TECTB: variants seen among roughly 807,000 people sequenced by gnomAD.
TECTB encodes the protein tectorin beta, also known as beta-tectorin.
A neutral mutation model predicts 43.3 loss-of-function variants in TECTB; 45 were observed. The ratio of observed to expected loss-of-function variants is 1.04; its 90% confidence interval spans 0.82 to 1.33. The LOEUF (loss-of-function observed/expected upper bound fraction) is 1.33. Ranked by LOEUF, TECTB falls within the 40% of genes most tolerant of loss-of-function variation. The pLI, the probability that TECTB is intolerant of heterozygous loss-of-function variation, is 0.00. For synonymous variants in TECTB, 169 were observed against 156.7 expected, an observed-to-expected ratio of 1.08 and a Z score of -0.59; for missense variants, 399 against 404.7, an observed-to-expected ratio of 0.99 and a Z score of 0.12.
At position 112,298,193 on chromosome 10, in the gene TECTB, A is replaced by G; in HGVS notation, c.796A>G (p.Thr266Ala). Residue 266 changes from threonine to alanine, a missense_variant, in exon 8 of 11, where the codon ACG becomes GCG. Thr to Ala is a moderately conservative substitution (Grantham distance 58). Coordinates refer to ENST00000646139, the MANE Select transcript of TECTB (RefSeq NM_058222.3). ...KLSKVWLHCE[T>A]FICDSEKLSC... ...CTCCAAGGTGTGGTTACACTGTGAG[A>G]CGTTCATCTGCGACAGTGAGAAACT... The G allele has an allele frequency of 6.2e-7, 1 of 1,614,192 alleles. No individual in the cohort carries two copies. The highest frequency in any genetic ancestry group is 8.5e-7 in the Non-Finnish European group (1 of 1,180,024).
intron 7 of TECTB, among the ~76,000 whole-genome samples, chr10:112,294,829 T>C (rs1237154356): frequency 1.3e-5 from 2 of 152,010 alleles, no homozygotes; most frequent in African/African-American, 4.8e-5. Flanking sequence ...AATGAGAAAA[T>C]GTAGGAACTA....
At position 112,294,149 on chromosome 10, in the gene TECTB, AAGAGGTG is replaced by A. The variant is rs1168251692; in HGVS notation, c.671+90_671+96del. ...CTCTGGCTTGGGAAAGCTTGGGAGG[AAGAGGTG>A]AAGCCTGCTGGAGTTACAGCAGTGA... On this transcript the variant is annotated intron_variant, in intron 7 of 10. Coordinates refer to ENST00000646139, the MANE Select transcript of TECTB (RefSeq NM_058222.3). 5.0e-6 allele frequency: 6 copies of A among 1,199,874 alleles called. No individual in the cohort carries two copies. In the African/African-American group the frequency reaches 6.0e-5, roughly 12 times the overall value. The allele number at this position is 1,199,874 out of a possible 1,614,324, so 74.3% of individuals were successfully genotyped here. A position where few individuals can be genotyped will look rare whatever the true frequency, so the allele number is the denominator to read the frequency against.
chr10:112,283,537 C>A, intron 1 of TECTB, 41 bp downstream of exon 1: 1 of 580,088 alleles, frequency 1.7e-6, no homozygotes, highest in Non-Finnish European at 3.0e-6. Context: ...TAACAGGAAA[C>A]AATTAGAAAC....
intron 5 of TECTB, 35 bp downstream of exon 5, chr10:112,286,426 G>A (rs1848455333): frequency 6.5e-7 from 1 of 1,527,550 alleles, no homozygotes; most frequent in South Asian, 1.2e-5. Context: ...ACTTCCCTGT[G>A]GCCTTTCCTT....
At chr10:112,298,707 C>A (rs1245325426) in intron 8 of TECTB, among the ~76,000 whole-genome samples, 2 of 152,172 alleles carry the variant, frequency 1.3e-5, no homozygotes, top group Non-Finnish European at 2.9e-5. Flanking sequence ...AGAGATGCTG[C>A]AGAAATTCCC....
intron 3 of TECTB, among the ~76,000 whole-genome samples, chr10:112,285,605 A>AT (rs1848447557): frequency 6.6e-6 from 1 of 152,172 alleles, no homozygotes; most frequent in African/African-American, 2.4e-5. Flanking sequence ...ATATTCTGTG[A>AT]TTTTAGAGCC....
chr10:112,293,192 A>T (rs1848514524), intron 5 of TECTB, among the ~76,000 whole-genome samples: 1 of 152,252 alleles, frequency 6.6e-6, no homozygotes. Flanking sequence ...GTTCGCTAAC[A>T]AAATCCTGAC....
Position 112,284,650 on chromosome 10 carries a change from C to T in TECTB, c.192C>T (p.His64=), listed in dbSNP as rs146576556. ...GAGGGCTGTGTTACAATGGGGTCCA[C>T]GAAGGAGGTTACTACCAATTTGTGA... ...ALGGLCYNGV[H]EGGYYQFVIP... Residue 64 remains histidine (H), a synonymous_variant, in exon 3 of 11, where the codon CAC becomes CAT. Coordinates refer to ENST00000646139, the MANE Select transcript of TECTB (RefSeq NM_058222.3). The T allele has an allele frequency of 2.7e-4, 432 of 1,613,418 alleles. 1 individual carries two copies. The highest frequency in any genetic ancestry group is 3.2e-4 in the Non-Finnish European group (382 of 1,179,732).
In TECTB at chr10:112,284,692, T is replaced by G. The variant is rs1848440281; in HGVS notation, c.234T>G (p.Pro78=). The change falls in exon 3 of 11, where the codon CCT becomes CCG. Residue 78 remains proline, a synonymous_variant. Transcript: ENST00000646139. ...YYQFVIPDLS[P]KNKSYCGTQS... is the part of the protein sequence containing the mutation. ...AATTTGTGATCCCAGATTTATCACC[T>G]AAAAACAAGTCCTATTGTGGAACCC... 1 of 1,609,582 alleles carries G rather than the reference T, an allele frequency of 6.2e-7. No individual in the cohort carries two copies. Among genetic ancestry groups the G allele is most frequent in the African/African-American group, 1.3e-5 (1 of 74,858 alleles).
rs903433961 is a variant in TECTB, at chr10:112,303,532, A to C, written c.*220A>C. 3.4e-6 allele frequency: 2 copies of C among 582,158 alleles called. No homozygotes were observed. Among genetic ancestry groups the C allele is most frequent in the Non-Finnish European group, 6.1e-6 (2 of 328,180 alleles). 36.1% of individuals were successfully genotyped at this position (582,158 alleles called of 1,614,324 possible). ...CTACTTCCCGTGGCCCTTAGATCTCACAGTCCTTCTACAGCTGGGGGAGGA... is the reference window on the plus strand; with the variant it reads ...CTACTTCCCGTGGCCCTTAGATCTCCCAGTCCTTCTACAGCTGGGGGAGGA... On this transcript the variant is annotated 3_prime_UTR_variant, in exon 11 of 11. Coordinates refer to ENST00000646139, the MANE Select transcript of TECTB (RefSeq NM_058222.3).
rs1302980054 is a variant in TECTB at position 112,284,573 on chromosome 10, A to C, written c.115A>C (p.Thr39Pro). The C allele has an allele frequency of 6.2e-7, 1 of 1,611,798 alleles. No homozygotes were observed. The highest frequency in any genetic ancestry group is 8.5e-7 in the Non-Finnish European group (1 of 1,178,978). ...LVFCYPKTII[T>P]KIPECPYGWE... ...GTTTTGCTATCCCAAAACCATCATC[A>C]CCAAAATCCCCGAGTGTCCCTATGG... The change falls in exon 3 of 11, where the codon ACC (threonine) becomes CCC (proline). Residue 39 changes from threonine to proline, a missense_variant. Coordinates refer to ENST00000646139, the MANE Select transcript of TECTB (RefSeq NM_058222.3).
intron 7 of TECTB, among the ~76,000 whole-genome samples, chr10:112,296,970 GTGC>G (rs1848553105): frequency 6.6e-6 from 1 of 151,756 alleles, no homozygotes; most frequent in Admixed American, 6.5e-5. Context: ...CTGCTACCCC[GTGC>G]TACCTGCAGA....
At chr10:112,293,608 T>G (rs1262247445) in intron 5 of TECTB, 130 bp from the exon 6 acceptor site, 1 of 744,086 alleles carries the variant, frequency 1.3e-6, no homozygotes, top group Non-Finnish European at 2.3e-6. Context: ...GGAGGATCAC[T>G]CTATGGTCTC....
At chr10:112,297,242 C>A (rs1848556321) in intron 7 of TECTB, among the ~76,000 whole-genome samples, 1 of 152,162 alleles carries the variant, frequency 6.6e-6, no homozygotes, top group South Asian at 2.1e-4. Flanking sequence ...TAGATACCAG[C>A]AGCACTTCCC....
chr10:112,286,711 G>C (rs1848457566), intron 5 of TECTB, among the ~76,000 whole-genome samples: 1 of 152,154 alleles, frequency 6.6e-6, no homozygotes, highest in African/African-American at 2.4e-5. Flanking sequence ...TCTGAGGTCA[G>C]GAGTTTGAGA....
rs77508270 is a variant in TECTB at position 112,296,192 on chromosome 10, T to C, written c.672-1877T>C. On this transcript the variant is annotated intron_variant, in intron 7 of 10. Transcript: ENST00000646139. ...AAAAAAAAACCCAGTTTGCAAAAGT[T>C]CCTGGAGAGATGGCAGGAGATATAT... Among the ~76,000 whole-genome samples the C allele has an allele frequency of 9.8e-3, 1,487 of 152,128 alleles. 17 individuals are homozygous for C. Among genetic ancestry groups the C allele is most frequent in the Middle Eastern group, 0.051 (15 of 294 alleles).
chr10:112,300,279 A>AAAGAAAAGAAAGAAAGAAAG lies in TECTB; in HGVS notation c.907+717_907+718insGAAAAGAAAGAAAGAAAGAA, dbSNP rs1361291056. On this transcript the variant is annotated intron_variant, in intron 9 of 10. Transcript: ENST00000646139. ...GAAAGAAAGAAAGAAAGAAAGAAAG[A>AAAGAAAAGAAAGAAAGAAAG]AAAGAAAGAAAGAAAGAAAGAAAGA... 7.6e-3 allele frequency among the ~76,000 whole-genome samples: 367 copies of AAAGAAAAGAAAGAAAGAAAG among 48,122 alleles called. 3 individuals are homozygous for AAAGAAAAGAAAGAAAGAAAG. The highest frequency in any genetic ancestry group is 0.01 in the African/African-American group (114 of 11,178). 31.6% of individuals were successfully genotyped at this position (48,122 alleles called of 152,430 possible). A position where few individuals can be genotyped will look rare whatever the true frequency, so the allele number is the denominator to read the frequency against.
Position 112,293,844 on chromosome 10 carries a change from A to G in TECTB, c.587+3A>G, listed in dbSNP as rs1242668750. The G allele has an allele frequency of 6.2e-7, 1 of 1,613,858 alleles. No individual in the cohort carries two copies. Among genetic ancestry groups the G allele is most frequent in the Non-Finnish European group, 8.5e-7 (1 of 1,179,708 alleles). On this transcript the variant is annotated splice_donor_region_variant and intron_variant, in intron 6 of 10. Coordinates refer to ENST00000646139, the MANE Select transcript of TECTB (RefSeq NM_058222.3). ...GAAGCCAAAGGGTTAAGCATTAGGT[A>G]AGTACATTTCCTCCAAGTTTATATG...
intron 8 of TECTB, 150 bp downstream of exon 8, chr10:112,298,381 C>A: frequency 9.9e-7 from 1 of 1,010,610 alleles, no homozygotes; most frequent in Non-Finnish European, 1.4e-6. Context: ...AGGGCAGATG[C>A]TCGTGAGGGC....
Sources: gnomAD v4.1 joint callset for allele counts (sites outside exome capture counted in the v4.1 genomes callset) on GRCh38, gnomAD v4.1.1 for gene constraint, MANE v1.5 for transcripts, NCBI Gene and HGNC (gene_info 2026-07-23, HGNC 2026-07-21) for gene names.